FUT8: variants seen among roughly 807,000 people sequenced by gnomAD.
FUT8 encodes the protein fucosyltransferase 8.
FUT8 carries 29 observed loss-of-function variants against 71.3 expected under a neutral mutation model. The observed-to-expected ratio is 0.41, with a 90% confidence interval of 0.30 to 0.55. The LOEUF is 0.55. FUT8 is among the 20% of genes least tolerant of loss of function. The pLI is 0.34. For missense variants in FUT8, 544 were observed against 702.1 expected (o/e 0.77, Z 2.55); for synonymous variants, 254 against 239.3 (o/e 1.06, Z -0.57).
chr14:65,705,040 A>T (rs917307635), intron 7 of FUT8, among the ~76,000 whole-genome samples: 2 of 152,204 alleles, frequency 1.3e-5, no homozygotes, highest in Non-Finnish European at 1.5e-5. Context: ...AATTCTTAAG[A>T]ATGTTGCTAA....
At chr14:65,518,438 A>G (rs898856370) in intron 2 of FUT8, among the ~76,000 whole-genome samples, 1 of 152,168 alleles carries the variant, frequency 6.6e-6, no homozygotes, top group African/African-American at 2.4e-5. Flanking sequence ...CTTCTTTCTC[A>G]TAGCCTACAG....
At position 65,724,433 on chromosome 14, in the gene FUT8, G is replaced by T. The variant is rs567599574; in HGVS notation, c.1259+110G>T. The T allele has an allele frequency of 1.5e-5, 10 of 679,506 alleles. 1 individual carries two copies. The highest frequency in any genetic ancestry group is 1.5e-4 in the African/African-American group (8 of 54,696). The allele number at this position is 679,506 out of a possible 1,614,324, so 42.1% of individuals were successfully genotyped here. A position where few individuals can be genotyped will look rare whatever the true frequency, so the allele number is the denominator to read the frequency against. On this transcript the variant is annotated intron_variant, in intron 9 of 10. Transcript: ENST00000673929. ...TGTATATTATTATTGCTAATTATTAGGGTTTTAAAAATTCAATGGACTATG... is the reference window on the plus strand; with the variant it reads ...TGTATATTATTATTGCTAATTATTATGGTTTTAAAAATTCAATGGACTATG...
At chr14:65,529,934 T>G (rs942516962) in intron 2 of FUT8, among the ~76,000 whole-genome samples, 18 of 152,210 alleles carry the variant, frequency 1.2e-4, no homozygotes, top group African/African-American at 4.3e-4. Flanking sequence ...AGAACTTAAA[T>G]GATTCCTGGC....
chr14:65,501,927 T>C (rs2066651492), intron 2 of FUT8, among the ~76,000 whole-genome samples: 1 of 151,864 alleles, frequency 6.6e-6, no homozygotes, highest in Non-Finnish European at 1.5e-5. Context: ...TTTTTTTTTT[T>C]TGAGACAGTG....
At chr14:65,482,390 G>A (rs932200032) in intron 2 of FUT8, among the ~76,000 whole-genome samples, 2 of 151,746 alleles carry the variant, frequency 1.3e-5, no homozygotes, top group Non-Finnish European at 2.9e-5. Flanking sequence ...ATGTACAGGT[G>A]GAATAAAATT....
At chr14:65,722,232 A>G (rs980539349) in intron 8 of FUT8, among the ~76,000 whole-genome samples, 16 of 152,068 alleles carry the variant, frequency 1.1e-4, no homozygotes, top group African/African-American at 3.6e-4. Flanking sequence ...GTAGTGCTCT[A>G]TTACTGTCTC....
chr14:65,468,388 G>GTTT, intron 2 of FUT8: 1 of 372,944 alleles, frequency 2.7e-6, no homozygotes, highest in East Asian at 7.6e-5. Context: ...CGAAAGGTTG[G>GTTT]ATTTTTTTTT....
At chr14:65,559,824 A>G (rs140579060) in intron 2 of FUT8, among the ~76,000 whole-genome samples, 52 of 152,218 alleles carry the variant, frequency 3.4e-4, no homozygotes, top group Admixed American at 1.3e-3. Flanking sequence ...GTTTTAAGAA[A>G]GGGACAGGAT....
At chr14:65,363,585 G>A in the FUT8 span, among the ~76,000 whole-genome samples, 1 of 152,134 alleles carries the variant, frequency 6.6e-6, no homozygotes, top group South Asian at 2.1e-4. Flanking sequence ...ATTTCCTGAA[G>A]GAGGTCATAA....
chr14:65,665,213 G>T (rs1594875858), intron 6 of FUT8, among the ~76,000 whole-genome samples: 3 of 152,154 alleles, frequency 2.0e-5, no homozygotes, highest in Admixed American at 6.5e-5. Flanking sequence ...AAGTAGATTT[G>T]GTTGTAATAT....
intron 7 of FUT8, among the ~76,000 whole-genome samples, chr14:65,684,462 C>T (rs778363273): frequency 3.9e-5 from 6 of 152,282 alleles, no homozygotes; most frequent in African/African-American, 1.4e-4. Flanking sequence ...AGTCTGAACC[C>T]TCTATCTACT....
intron 1 of FUT8, among the ~76,000 whole-genome samples, chr14:65,432,575 C>A (rs542006567): frequency 1.1e-3 from 172 of 152,162 alleles, no homozygotes; most frequent in African/African-American, 3.8e-3. Flanking sequence ...GGGCTGCATT[C>A]CCAGACAGTT....
chr14:65,677,114 T>TGTGTGTGTG (rs1892754524), intron 7 of FUT8, among the ~76,000 whole-genome samples: 1 of 110,216 alleles, frequency 9.1e-6, no homozygotes, highest in African/African-American at 3.3e-5. Flanking sequence ...AAAGACATAT[T>TGTGTGTGTG]TGTGTGTGTG....
At position 65,483,278 on chromosome 14, in the gene FUT8, C is replaced by G. The variant is rs1566776731; in HGVS notation, c.-228+27560C>G. ...GGATGGTTTAGGGTCGGAGGAAGCTCTTGCCTTGGTGTTCTGTGTCAGCCT... is the reference window on the plus strand; with the variant it reads ...GGATGGTTTAGGGTCGGAGGAAGCTGTTGCCTTGGTGTTCTGTGTCAGCCT... On this transcript the variant is annotated intron_variant, in intron 2 of 10. Transcript: ENST00000673929. The surrounding 1 kb of genome is among the most constrained non-coding windows in gnomAD (Gnocchi z 4.4). Among the ~76,000 whole-genome samples, 2 of 152,200 alleles carry G rather than the reference C, an allele frequency of 1.3e-5. No homozygotes were observed. The highest frequency in any genetic ancestry group is 2.4e-5 in the African/African-American group (1 of 41,456).
chr14:65,710,254 A>G (rs377737817), intron 7 of FUT8, among the ~76,000 whole-genome samples: 6 of 152,320 alleles, frequency 3.9e-5, no homozygotes. Flanking sequence ...TAAATAATAC[A>G]TATGGTACAT....
intron 7 of FUT8, among the ~76,000 whole-genome samples, chr14:65,675,636 A>G (rs1892675467): frequency 6.6e-6 from 1 of 152,148 alleles, no homozygotes; most frequent in African/African-American, 2.4e-5. Flanking sequence ...AGGTACTTCT[A>G]GGTTATTTAC....
intron 7 of FUT8, among the ~76,000 whole-genome samples, chr14:65,688,895 G>A (rs982867742): frequency 6.6e-6 from 1 of 152,050 alleles, no homozygotes; most frequent in Non-Finnish European, 1.5e-5. Flanking sequence ...GTTTACCTTC[G>A]CATCGTGGAG....
At chr14:65,694,825 T>C (rs1030226147) in intron 7 of FUT8, among the ~76,000 whole-genome samples, 11 of 139,436 alleles carry the variant, frequency 7.9e-5, no homozygotes, top group African/African-American at 2.2e-4. Context: ...TTCTCACTTA[T>C]AGGTGGGAAT....
At chr14:65,416,555 T>C (rs146989577) in intron 1 of FUT8, among the ~76,000 whole-genome samples, 3 of 152,282 alleles carry the variant, frequency 2.0e-5, no homozygotes, top group East Asian at 1.9e-4. Context: ...CATCCTCTTA[T>C]TGATTCTCTG....
Sources: allele counts gnomAD v4.1 joint callset (sites outside exome capture counted in the v4.1 genomes callset), GRCh38; gene constraint gnomAD v4.1.1; non-coding constraint Gnocchi (gnomAD v3.1); transcripts MANE v1.5; gene names NCBI Gene and HGNC (gene_info 2026-07-23, HGNC 2026-07-21).